Variants in ILDR1 observed in about 807,000 individuals in gnomAD.
The protein encoded by ILDR1 is immunoglobulin-like domain-containing receptor 1.
ILDR1 carries 56 observed loss-of-function variants against 62.4 expected under a neutral mutation model. The ratio of observed to expected loss-of-function variants is 0.90; its 90% confidence interval spans 0.72 to 1.12. The LOEUF is 1.12. Ranked by LOEUF, ILDR1 falls within the 50% of genes most tolerant of loss-of-function variation. The pLI is 0.00. For missense variants in ILDR1, 736 were observed against 710.6 expected (o/e 1.04, Z -0.41); for synonymous variants, 284 against 277.8 (o/e 1.02, Z -0.22).
At chr3:122,056,140 G>A in the ILDR1 span, among the ~76,000 whole-genome samples, 8 of 152,056 alleles carry the variant, frequency 5.3e-5, no homozygotes, top group South Asian at 1.5e-3. Flanking sequence ...CATTCTTTTT[G>A]ACAGATGGGG....
At chr3:122,050,915 T>C in the ILDR1 span, among the ~76,000 whole-genome samples, 1 of 152,228 alleles carries the variant, frequency 6.6e-6, no homozygotes, top group East Asian at 1.9e-4. Context: ...GAGAGTATTC[T>C]TGGTTGGCTG....
the ILDR1 span, among the ~76,000 whole-genome samples, chr3:122,049,431 G>T: frequency 2.0e-5 from 3 of 152,098 alleles, no homozygotes; most frequent in Admixed American, 6.5e-5. Context: ...TTAACTAATT[G>T]ATCTTTTGTC....
the ILDR1 span, among the ~76,000 whole-genome samples, chr3:122,034,417 A>G: frequency 7.2e-3 from 1,098 of 152,320 alleles, 7 homozygotes; most frequent in Non-Finnish European, 0.013. Flanking sequence ...CCCTAAGAGA[A>G]CTGAGGTCAC....
At chr3:122,051,992 T>A in the ILDR1 span, among the ~76,000 whole-genome samples, 3 of 152,220 alleles carry the variant, frequency 2.0e-5, no homozygotes, top group Non-Finnish European at 4.4e-5. Flanking sequence ...AGCAGCACAC[T>A]GTCCAGCTCT....
At chr3:122,036,684 A>T in the ILDR1 span, among the ~76,000 whole-genome samples, 1 of 152,186 alleles carries the variant, frequency 6.6e-6, no homozygotes, top group Non-Finnish European at 1.5e-5. Flanking sequence ...TCTGGGGAGA[A>T]ATTCAAGCCT....
intron 1 of ILDR1, among the ~76,000 whole-genome samples, chr3:122,017,298 C>T (rs2071790180): frequency 6.6e-6 from 1 of 152,090 alleles, no homozygotes; most frequent in Non-Finnish European, 1.5e-5. Flanking sequence ...ATCCACCTGC[C>T]TTGGCCTCCC....
intron 1 of ILDR1, among the ~76,000 whole-genome samples, chr3:122,012,999 CT>C (rs1424012097): frequency 6.6e-6 from 1 of 152,120 alleles, no homozygotes; most frequent in Non-Finnish European, 1.5e-5. Flanking sequence ...GATATCAGAG[CT>C]CATGGGAAGG....
At chr3:122,039,812 T>C in the ILDR1 span, among the ~76,000 whole-genome samples, 1 of 152,054 alleles carries the variant, frequency 6.6e-6, no homozygotes, top group African/African-American at 2.4e-5. Flanking sequence ...ATTATAACAA[T>C]GTATTATGTG....
chr3:121,993,024 G>A (rs2071372802), intron 7 of ILDR1, 126 bp downstream of exon 7: 1 of 794,038 alleles, frequency 1.3e-6, no homozygotes, highest in Non-Finnish European at 2.2e-6. Flanking sequence ...AGTGTAATTT[G>A]GGCAAAACAG....
At chr3:121,996,057 G>T (rs532558399) in intron 5 of ILDR1, among the ~76,000 whole-genome samples, 102 of 152,256 alleles carry the variant, frequency 6.7e-4, no homozygotes, top group Non-Finnish European at 1.2e-3. Context: ...ACCTTTCAAA[G>T]TCCACTCCAG....
the ILDR1 span, among the ~76,000 whole-genome samples, chr3:122,033,986 T>A: frequency 6.6e-6 from 1 of 152,220 alleles, no homozygotes. Context: ...TCTACATAGA[T>A]TTTAGAATTG....
chr3:122,055,431 C>G, the ILDR1 span: 1 of 1,576,196 alleles, frequency 6.3e-7, no homozygotes, highest in Non-Finnish European at 8.7e-7. Flanking sequence ...GGGACTAGCA[C>G]AGACACACGG....
At chr3:122,019,346 T>C (rs553904118) in intron 1 of ILDR1, among the ~76,000 whole-genome samples, 1 of 152,302 alleles carries the variant, frequency 6.6e-6, no homozygotes, top group Non-Finnish European at 1.5e-5. Flanking sequence ...AACTTAGTAA[T>C]AAAATTTTTG....
the ILDR1 span, among the ~76,000 whole-genome samples, chr3:122,055,670 C>T: frequency 3.9e-5 from 6 of 152,286 alleles, no homozygotes; most frequent in Admixed American, 3.3e-4. Context: ...GAATTATTTG[C>T]AATGCCCAAA....
chr3:122,015,225 T>C (rs1462082665), intron 1 of ILDR1, among the ~76,000 whole-genome samples: 1 of 152,240 alleles, frequency 6.6e-6, no homozygotes, highest in African/African-American at 2.4e-5. Context: ...CAAATGCTCC[T>C]GATAGTTCTT....
chr3:122,027,133 C>CT (rs1392148307), upstream of ILDR1, among the ~76,000 whole-genome samples: 1 of 151,952 alleles, frequency 6.6e-6, no homozygotes, highest in Non-Finnish European at 1.5e-5. Flanking sequence ...ACATTTTTTT[C>CT]TTTTTTTGTT....
chr3:121,996,637 G>A lies in ILDR1; in HGVS notation c.647-2324C>T, dbSNP rs530934407. 2.1e-3 allele frequency among the ~76,000 whole-genome samples: 320 copies of A among 152,288 alleles called. 1 individual carries two copies. Among genetic ancestry groups the A allele is most frequent in the Non-Finnish European group, 4.0e-3 (272 of 68,024 alleles). ...CAATAAGTTATCTTTTAACCTCAGTGGAGTAAAATCTGCCTTAGTCACCCT... is the reference window on the plus strand; with the variant it reads ...CAATAAGTTATCTTTTAACCTCAGTAGAGTAAAATCTGCCTTAGTCACCCT... On this transcript the variant is annotated intron_variant, in intron 5 of 7. Transcript: ENST00000344209.
Position 121,993,825 on chromosome 3 carries a change from G to A in ILDR1, c.924C>T (p.Gly308=), listed in dbSNP as rs1470363305. The part of the protein sequence containing the change: ...LAQPLPPDLK[G]RFGHPCSMLS... ...GCATGCTGCAGGGATGGCCAAATCT[G>A]CCTTTGAGGTCAGGGGGCAGAGGCT... Residue 308 remains glycine, a synonymous_variant, in exon 7 of 8, where the codon GGC becomes GGT. Transcript: ENST00000344209. The A allele has an allele frequency of 1.9e-6, 3 of 1,614,042 alleles. No individual in the cohort carries two copies. The highest frequency in any genetic ancestry group is 2.7e-5 in the African/African-American group (2 of 74,918).
chr3:122,026,760 G>A (rs1325161141), upstream of ILDR1, among the ~76,000 whole-genome samples: 1 of 152,116 alleles, frequency 6.6e-6, no homozygotes, highest in Non-Finnish European at 1.5e-5. Flanking sequence ...CTAATGAAAG[G>A]GGTCTGGGAA....
Sources: allele counts gnomAD v4.1 joint callset (sites outside exome capture counted in the v4.1 genomes callset), GRCh38; gene constraint gnomAD v4.1.1; transcripts MANE v1.5; gene names NCBI Gene and HGNC (gene_info 2026-07-23, HGNC 2026-07-21).